F5: variants seen among roughly 807,000 people sequenced by gnomAD.
F5 encodes the protein activated protein c cofactor.
A neutral mutation model predicts 216.4 loss-of-function variants in F5; 138 were observed. That is an observed-to-expected ratio of 0.64 (90% CI 0.56 to 0.73). The LOEUF (loss-of-function observed/expected upper bound fraction) is 0.73. Ranked by LOEUF, F5 falls within the 30% of genes least tolerant of loss-of-function variation. The pLI, the probability that F5 is intolerant of heterozygous loss-of-function variation, is 0.00. For synonymous variants in F5, 916 were observed against 930.7 expected, an observed-to-expected ratio of 0.98 and a Z score of 0.29; for missense variants, 2,403 against 2,674.0, an observed-to-expected ratio of 0.90 and a Z score of 2.24.
chr1:169,533,640 A>G (rs1659638978), intron 14 of F5, among the ~76,000 whole-genome samples: 1 of 152,202 alleles, frequency 6.6e-6, no homozygotes, highest in Non-Finnish European at 1.5e-5. Context: ...CAAATGTGAA[A>G]AAAATGCTCA....
Position 169,540,311 on chromosome 1 carries a change from A to G in F5, c.4779T>C (p.Tyr1593=), listed in dbSNP as rs754143961. 1.9e-6 allele frequency: 3 copies of G among 1,613,910 alleles called. No homozygotes were observed. Among genetic ancestry groups the G allele is most frequent in the South Asian group, 2.2e-5 (2 of 91,080 alleles). The change falls in exon 13 of 25, where the codon TAT becomes TAC. Residue 1593 remains tyrosine, a synonymous_variant. Transcript: ENST00000367797. ...YIAAEEISWD[Y]SEFVQRETDI... ...GGCCAAACCTTTGTACAAATTCTGA[A>G]TAATCCCAGGATATTTCTTCAGCAG...
At chr1:169,527,003 T>G (rs1298440758) in intron 17 of F5, among the ~76,000 whole-genome samples, 1 of 152,160 alleles carries the variant, frequency 6.6e-6, no homozygotes, top group Admixed American at 6.6e-5. Context: ...CCAGTCCATT[T>G]GGACTTCTGT....
At chr1:169,546,868 G>A (rs1017160410) in intron 10 of F5, among the ~76,000 whole-genome samples, 4 of 151,512 alleles carry the variant, frequency 2.6e-5, no homozygotes, top group Non-Finnish European at 5.9e-5. Context: ...GGTGGCTCAC[G>A]CCTGTAATAC....
intron 13 of F5, among the ~76,000 whole-genome samples, chr1:169,538,278 A>G (rs1299473212): frequency 1.3e-5 from 2 of 152,194 alleles, no homozygotes; most frequent in African/African-American, 2.4e-5. Flanking sequence ...TGGAAACTAA[A>G]AACATTGAGC....
rs1326641450 is a variant in F5 at position 169,530,982 on chromosome 1, T to C, written c.5012A>G (p.His1671Arg). Residue 1671 changes from histidine to arginine, a missense_variant, in exon 15 of 25, where the codon CAT becomes CGT. His to Arg is a conservative substitution (Grantham distance 29, BLOSUM62 0). This residue lies in a region of F5 where 659 missense variants were observed against 787.9 expected (regional missense o/e 0.84). Transcript: ENST00000367797. ...TTTTTCATAGGAAAGTCCATGGGCATGTAGAGAATACGGTCTGGATGCTAA... is the reference window on the plus strand; with the variant it reads ...TTTTTCATAGGAAAGTCCATGGGCACGTAGAGAATACGGTCTGGATGCTAA... ...KNLASRPYSLHAHGLSYEKSS... is the reference protein window; with the variant it reads ...KNLASRPYSLRAHGLSYEKSS... The C allele has an allele frequency of 2.5e-6, 4 of 1,613,632 alleles. No homozygotes were observed. Among genetic ancestry groups the C allele is most frequent in the Admixed American group, 1.7e-5 (1 of 59,974 alleles).
chr1:169,529,673 T>C lies in F5; in HGVS notation c.5354A>G (p.Glu1785Gly). 1 of 1,613,906 alleles carries C rather than the reference T, an allele frequency of 6.2e-7. No individual in the cohort carries two copies. The highest frequency in any genetic ancestry group is 8.5e-7 in the Non-Finnish European group (1 of 1,179,844). Residue 1785 changes from glutamate to glycine, a missense_variant, in exon 16 of 25, where the codon GAA (glutamate) becomes GGA (glycine). By Grantham distance (98) the Glu-to-Gly change is moderately conservative. Coordinates refer to ENST00000367797, the MANE Select transcript of F5 (RefSeq NM_000130.5). ...TCTCCAAGAACTTCGGGACTTCTTT[T>C]CATAGTACCAGCTCTTCTTTTCATC... ...TFDEKKSWYY[E>G]KKSRSSWRLT...
chr1:169,554,676 T>C (rs80014011), intron 7 of F5, among the ~76,000 whole-genome samples: 10,411 of 152,310 alleles, frequency 0.068, 638 homozygotes, highest in South Asian at 0.21. Flanking sequence ...GAACAATATA[T>C]GATAGTTCTT....
At chr1:169,584,073 T>C (rs1571606899) in intron 1 of F5, among the ~76,000 whole-genome samples, 2 of 152,210 alleles carry the variant, frequency 1.3e-5, no homozygotes, top group Admixed American at 6.5e-5. Context: ...TTTAGTACAA[T>C]TGAAAAGTTA....
Position 169,549,957 on chromosome 1 carries a change from C to T in F5, c.1455G>A (p.Trp485Ter). 2 of 1,614,114 alleles carry T rather than the reference C, an allele frequency of 1.2e-6. No individual in the cohort carries two copies. Among genetic ancestry groups the T allele is most frequent in the Non-Finnish European group, 1.7e-6 (2 of 1,180,012 alleles). The stretch of plus-strand genomic sequence containing the variant: ...TGGGTTCATCAAACTCTAAGATGTT[C>T]CACTTATAAGTATAGGTTTCCCCTG... ...VQPGETYTYK[W>*]NILEFDEPTE... Residue 485 changes from tryptophan to a stop codon, truncating the protein, a stop_gained, in exon 10 of 25, where the codon TGG (tryptophan) becomes TGA (stop). Transcript: ENST00000367797. LOFTEE classifies it high-confidence loss of function.
rs1034325704 is a variant in F5 at position 169,582,453 on chromosome 1, T to C, written c.228A>G (p.Glu76=). The C allele has an allele frequency of 2.6e-6, 4 of 1,541,620 alleles. No individual in the cohort carries two copies. Among genetic ancestry groups the C allele is most frequent in the Non-Finnish European group, 3.6e-6 (4 of 1,120,024 alleles). ...TACCTGAAATGGTAGATTGTGGTTT[T>C]TCTTTCTTAAAATATGGTTCATACT... The part of the protein sequence containing the change: ...YREYEPYFKK[E]KPQSTISGLL... The change falls in exon 2 of 25, where the codon GAA becomes GAG. Residue 76 remains glutamate, a synonymous_variant. Transcript: ENST00000367797.
chr1:169,516,890 G>A (rs2213865), intron 23 of F5, among the ~76,000 whole-genome samples: 13,452 of 152,076 alleles, frequency 0.088, 707 homozygotes, highest in African/African-American at 0.13. Flanking sequence ...TATCTTTGAG[G>A]CCCTTGTTAT....
At chr1:169,525,474 G>T (rs1659424717) in intron 18 of F5, among the ~76,000 whole-genome samples, 1 of 152,190 alleles carries the variant, frequency 6.6e-6, no homozygotes, top group South Asian at 2.1e-4. Context: ...TTGGCACAGT[G>T]CTTCATACTC....
chr1:169,586,343 C>T lies in F5; in HGVS notation c.44G>A (p.Gly15Asp), dbSNP rs2101849466. Residue 15 changes from glycine (G) to aspartate (D), a missense_variant, in exon 1 of 25, where the codon GGC becomes GAC. This residue lies in a region of F5 where 1,425 missense variants were observed against 1,554.8 expected (regional missense o/e 0.92). Coordinates refer to ENST00000367797, the MANE Select transcript of F5 (RefSeq NM_000130.5). The stretch of plus-strand genomic sequence containing the variant: ...GCTCCCCCAGCCTACCCAGCTGGTG[C>T]CCAAGACCACCAGGACCCAGAGGCG... ...CPRLWVLVVL[G>D]TSWVGWGSQG... 6.8e-6 allele frequency: 11 copies of T among 1,613,986 alleles called. No individual in the cohort carries two copies. The highest frequency in any genetic ancestry group is 1.3e-5 in the African/African-American group (1 of 75,046).
At chr1:169,559,017 G>T in intron 5 of F5, 136 bp downstream of exon 5, 2 of 811,590 alleles carry the variant, frequency 2.5e-6, no homozygotes, top group Non-Finnish European at 3.8e-6. Flanking sequence ...AAAAAAAAAA[G>T]AGAAAATATT....
chr1:169,537,539 T>G (rs915958945), intron 13 of F5, among the ~76,000 whole-genome samples: 2 of 151,866 alleles, frequency 1.3e-5, no homozygotes, highest in African/African-American at 4.8e-5. Flanking sequence ...AATAACAGAG[T>G]GAAGAGACAA....
intron 22 of F5, among the ~76,000 whole-genome samples, chr1:169,519,088 T>C (rs1238523497): frequency 6.6e-6 from 1 of 152,192 alleles, no homozygotes. Flanking sequence ...TTCCAAGGTG[T>C]AATTTGAATA....
intron 16 of F5, among the ~76,000 whole-genome samples, chr1:169,528,673 T>A (rs897003689): frequency 6.6e-6 from 1 of 152,114 alleles, no homozygotes; most frequent in African/African-American, 2.4e-5. Context: ...ATAACTAGGG[T>A]TCTCAGGCTT....
Position 169,542,497 on chromosome 1 carries a change from G to C in F5, c.2593C>G (p.His865Asp), listed in dbSNP as rs758962914. The stretch of plus-strand genomic sequence containing the variant: ...TCTCTTTCTACCTTGGGTCCCTTAT[G>C]CTTAGCATGTTCTTGACTTTTGAAT... ...GEFKSQEHAK[H>D]KGPKVERDQA... Residue 865 changes from histidine (H) to aspartate (D), a missense_variant, in exon 13 of 25, where the codon CAT becomes GAT. By Grantham distance (81) the His-to-Asp change is moderately conservative. Coordinates refer to ENST00000367797, the MANE Select transcript of F5 (RefSeq NM_000130.5). 1 of 1,614,090 alleles carries C rather than the reference G, an allele frequency of 6.2e-7. No homozygotes were observed. Among genetic ancestry groups the C allele is most frequent in the Admixed American group, 1.7e-5 (1 of 60,004 alleles).
Position 169,586,328 on chromosome 1 carries a change from C to G in F5, c.59G>C (p.Gly20Ala). 1 of 1,614,134 alleles carries G rather than the reference C, an allele frequency of 6.2e-7. No homozygotes were observed. Among genetic ancestry groups the G allele is most frequent in the Non-Finnish European group, 8.5e-7 (1 of 1,180,022 alleles). The change falls in exon 1 of 25, where the codon GGC (glycine) becomes GCC (alanine). Residue 20 changes from glycine to alanine, a missense_variant. Gly to Ala is a moderately conservative substitution (Grantham distance 60). Transcript: ENST00000367797. ...VLVVLGTSWV[G>A]WGSQGTEAAQ... ...CGCTTCTGTCCCTTGGCTCCCCCAG[C>G]CTACCCAGCTGGTGCCCAAGACCAC...
Sources: allele counts gnomAD v4.1 joint callset (sites outside exome capture counted in the v4.1 genomes callset), GRCh38; gene constraint gnomAD v4.1.1; regional missense constraint gnomAD v4.1.1; transcripts MANE v1.5; gene names NCBI Gene and HGNC (gene_info 2026-07-23, HGNC 2026-07-21).